The following INTS15 variants were observed in gnomAD, a reference collection of about 807,000 sequenced individuals.
INTS15 encodes the protein integrator complex subunit 15, also known as uncharacterized protein C7orf26.
chr7:6,608,064 C>T, the INTS15 span: 17 of 1,596,770 alleles, frequency 1.1e-5, no homozygotes, highest in Non-Finnish European at 1.4e-5. Flanking sequence ...GGCTACGGGG[C>T]TGTCCCGGCC....
At chr7:6,601,121 C>A in the INTS15 span, among the ~76,000 whole-genome samples, 2 of 152,024 alleles carry the variant, frequency 1.3e-5, no homozygotes, top group African/African-American at 4.8e-5. Flanking sequence ...TGTGTACCAC[C>A]ACACCCAGCT....
the INTS15 span, chr7:6,599,774 C>A: frequency 6.4e-7 from 1 of 1,558,996 alleles, no homozygotes; most frequent in South Asian, 1.2e-5. Flanking sequence ...TCTCCACTTC[C>A]CGCCCCTGTC....
chr7:6,600,373 C>T, the INTS15 span: 2 of 1,599,584 alleles, frequency 1.3e-6, no homozygotes, highest in East Asian at 4.5e-5. Context: ...GCCTCCCTGG[C>T]CCAGGCCTCC....
At chr7:6,598,829 C>T in the INTS15 span, among the ~76,000 whole-genome samples, 1 of 140,036 alleles carries the variant, frequency 7.1e-6, no homozygotes, top group Non-Finnish European at 1.5e-5. Flanking sequence ...CTCTGTTGCT[C>T]AGGCTGTTGT....
the INTS15 span, chr7:6,599,778 C>CTT: frequency 1.3e-6 from 2 of 1,570,088 alleles, no homozygotes; most frequent in Non-Finnish European, 1.7e-6. Context: ...CACTTCCCGC[C>CTT]CCTGTCCTCG....
the INTS15 span, among the ~76,000 whole-genome samples, chr7:6,606,575 T>C: frequency 6.6e-6 from 1 of 151,840 alleles, no homozygotes; most frequent in African/African-American, 2.4e-5. Flanking sequence ...CTGGGGCAGG[T>C]CAGGAGAGGG....
chr7:6,597,025 G>T, the INTS15 span, among the ~76,000 whole-genome samples: 2 of 151,682 alleles, frequency 1.3e-5, no homozygotes, highest in Non-Finnish European at 2.9e-5. Context: ...TGATCCACCC[G>T]CCTCGGCCTC....
chr7:6,591,827 G>A, the INTS15 span: 1 of 1,613,956 alleles, frequency 6.2e-7, no homozygotes, highest in Non-Finnish European at 8.5e-7. Flanking sequence ...GTGGCTGTGT[G>A]TCGAATCCCG....
At chr7:6,598,837 T>C in the INTS15 span, among the ~76,000 whole-genome samples, 1 of 150,554 alleles carries the variant, frequency 6.6e-6, no homozygotes, top group East Asian at 2.0e-4. Flanking sequence ...CTCAGGCTGT[T>C]GTACAGTGGG....
the INTS15 span, among the ~76,000 whole-genome samples, chr7:6,601,695 TG>T: frequency 3.3e-5 from 5 of 151,894 alleles, no homozygotes; most frequent in Admixed American, 2.0e-4. Context: ...CTCACTCTGT[TG>T]CCCAGTCTGG....
At chr7:6,593,649 G>GTTT in the INTS15 span, among the ~76,000 whole-genome samples, 2 of 130,728 alleles carry the variant, frequency 1.5e-5, no homozygotes, top group African/African-American at 2.8e-5. Flanking sequence ...GTGTTTTTCT[G>GTTT]TTTTTTTTTT....
At chr7:6,608,650 G>A in the INTS15 span, 5 of 412,202 alleles carry the variant, frequency 1.2e-5, no homozygotes, top group Admixed American at 1.2e-4. Flanking sequence ...CCCTCACCTC[G>A]GAAAGGAACT....
chr7:6,603,057 T>C, the INTS15 span, among the ~76,000 whole-genome samples: 152,082 of 152,092 alleles, frequency 1, 76,036 homozygotes, highest in Middle Eastern at 1. Context: ...CGAGACCAGC[T>C]TGGTCAACAT....
chr7:6,590,480 G>C, the INTS15 span: 1 of 1,568,232 alleles, frequency 6.4e-7, no homozygotes, highest in Non-Finnish European at 8.6e-7. Context: ...CCCAAGGTGC[G>C]GCCTGAGACG....
the INTS15 span, chr7:6,607,494 G>A: frequency 7.7e-7 from 1 of 1,293,192 alleles, no homozygotes. This position sits in a 1 kb window ranked among gnomAD's most constrained non-coding sequence, Gnocchi z 6.0. Context: ...CCAGGCCTGG[G>A]CCGTCCCCGA....
At chr7:6,591,172 C>G in the INTS15 span, among the ~76,000 whole-genome samples, 1 of 152,038 alleles carries the variant, frequency 6.6e-6, no homozygotes, top group East Asian at 1.9e-4. Flanking sequence ...GCAAAGATCT[C>G]CCTGAGACCT....
At chr7:6,590,280 C>T in the INTS15 span, 1 of 1,542,458 alleles carries the variant, frequency 6.5e-7, no homozygotes, top group South Asian at 1.2e-5. Context: ...GCGGCGGCCG[C>T]ACCATGAGCG....
chr7:6,600,067 G>T, the INTS15 span: 78 of 1,614,224 alleles, frequency 4.8e-5, no homozygotes, highest in South Asian at 2.5e-4. Context: ...AGGTCACAAA[G>T]GACCCGGGCG....
the INTS15 span, among the ~76,000 whole-genome samples, chr7:6,598,178 C>G: frequency 1.3e-5 from 2 of 152,058 alleles, no homozygotes; most frequent in Admixed American, 1.3e-4. Flanking sequence ...AATCAAGAGG[C>G]TGCACACGTG....
Sources: gnomAD v4.1 joint callset for allele counts (sites outside exome capture counted in the v4.1 genomes callset) on GRCh38, gnomAD v4.1.1 for gene constraint, Gnocchi (gnomAD v3.1) non-coding constraint, MANE v1.5 for transcripts, NCBI Gene and HGNC (gene_info 2026-07-23, HGNC 2026-07-21) for gene names.